Variants in GRM5 observed in about 807,000 individuals in gnomAD.
The protein encoded by GRM5 is glutamate metabotropic receptor 5, also known as metabotropic glutamate receptor 5.
A neutral mutation model predicts 83.1 loss-of-function variants in GRM5; 19 were observed. That is an observed-to-expected ratio of 0.23 (90% CI 0.16 to 0.34). GRM5 has a LOEUF of 0.34. GRM5 is among the 10% of genes least tolerant of loss of function. GRM5 has a pLI of 1.00. For missense variants in GRM5, 1,160 were observed against 1,588.3 expected (o/e 0.73, Z 4.58); for synonymous variants, 675 against 633.6 (o/e 1.07, Z -0.98).
intron 9 of GRM5, among the ~76,000 whole-genome samples, chr11:88,522,603 C>CTCTCTGTGTGTG (rs1206475339): frequency 2.4e-5 from 3 of 127,294 alleles, no homozygotes; most frequent in South Asian, 2.9e-4. Flanking sequence ...CTCTCTCTCT[C>CTCTCTGTGTGTG]TGTGTGTGTG....
At chr11:88,639,790 A>T (rs1375403118) in intron 4 of GRM5, among the ~76,000 whole-genome samples, 2 of 152,018 alleles carry the variant, frequency 1.3e-5, no homozygotes, top group East Asian at 3.9e-4. Flanking sequence ...TCAGGTCTCA[A>T]TTTGGTGAAT....
intron 5 of GRM5, among the ~76,000 whole-genome samples, chr11:88,600,749 T>C (rs912127884): frequency 2.0e-5 from 3 of 152,196 alleles, no homozygotes; most frequent in Non-Finnish European, 4.4e-5. Context: ...ACAGGGTTGT[T>C]GTTAGAGAAA....
At chr11:88,607,117 A>C (rs571539579) in intron 4 of GRM5, among the ~76,000 whole-genome samples, 2 of 152,240 alleles carry the variant, frequency 1.3e-5, no homozygotes, top group Admixed American at 1.3e-4. Context: ...GGCGTAGTGC[A>C]TTGTGACATA....
chr11:88,634,507 C>T (rs568195834), intron 4 of GRM5, among the ~76,000 whole-genome samples: 7 of 152,130 alleles, frequency 4.6e-5, no homozygotes, highest in African/African-American at 1.7e-4. Context: ...GATACCTACA[C>T]ACATTAGCCT....
chr11:88,847,253 CCTT>C (rs1391288124), intron 3 of GRM5, among the ~76,000 whole-genome samples: 4 of 152,054 alleles, frequency 2.6e-5, no homozygotes, highest in Non-Finnish European at 4.4e-5. Flanking sequence ...ACTTATATGA[CCTT>C]CTATCTAACT....
At chr11:88,816,576 T>C (rs1384296780) in intron 3 of GRM5, among the ~76,000 whole-genome samples, 1 of 144,388 alleles carries the variant, frequency 6.9e-6, no homozygotes, top group Non-Finnish European at 1.5e-5. Flanking sequence ...AAAAAGAAAT[T>C]GGAAACAGAA....
intron 2 of GRM5, among the ~76,000 whole-genome samples, chr11:89,007,471 T>C (rs1348399397): frequency 6.6e-6 from 1 of 152,216 alleles, no homozygotes; most frequent in African/African-American, 2.4e-5. Context: ...GTGATTTTCA[T>C]TACTGCCATT....
At chr11:88,726,966 AAGAAAC>A (rs1263246584) in intron 3 of GRM5, among the ~76,000 whole-genome samples, 2 of 152,208 alleles carry the variant, frequency 1.3e-5, no homozygotes, top group African/African-American at 4.8e-5. Flanking sequence ...CAATACTATG[AAGAAAC>A]TGCATCAACG....
At chr11:88,888,267 C>T in intron 2 of GRM5, among the ~76,000 whole-genome samples, 1 of 152,132 alleles carries the variant, frequency 6.6e-6, no homozygotes, top group Non-Finnish European at 1.5e-5. Context: ...TATGTTGCTC[C>T]TAAGCCAAAC....
At chr11:88,606,273 A>T (rs1261970030) in intron 4 of GRM5, among the ~76,000 whole-genome samples, 1 of 152,242 alleles carries the variant, frequency 6.6e-6, no homozygotes, top group Non-Finnish European at 1.5e-5. Flanking sequence ...CTGTAATCCC[A>T]ACACTTTAGG....
chr11:88,524,219 T>TTC, intron 9 of GRM5, among the ~76,000 whole-genome samples: 5 of 55,812 alleles, frequency 9.0e-5, no homozygotes, highest in African/African-American at 1.7e-4. Context: ...TCTTTCTTTT[T>TTC]TTTTTTTTTT....
intron 1 of GRM5, among the ~76,000 whole-genome samples, chr11:89,064,596 AC>A (rs987588494): frequency 1.8e-4 from 28 of 152,136 alleles, no homozygotes; most frequent in African/African-American, 4.8e-4. Context: ...ATACATAGAC[AC>A]TACTGCATGG....
intron 2 of GRM5, among the ~76,000 whole-genome samples, chr11:88,897,875 A>T (rs1382935607): frequency 6.6e-6 from 1 of 152,004 alleles, no homozygotes; most frequent in South Asian, 2.1e-4. Flanking sequence ...AGGAGAAAAC[A>T]TGTAAGCTTT....
At chr11:89,043,711 G>A (rs1237979060) in intron 2 of GRM5, among the ~76,000 whole-genome samples, 1 of 151,980 alleles carries the variant, frequency 6.6e-6, no homozygotes, top group Non-Finnish European at 1.5e-5. Flanking sequence ...AACAATAATA[G>A]TCAGCTGGGT....
chr11:88,754,453 T>C (rs1039748081), intron 3 of GRM5, among the ~76,000 whole-genome samples: 1 of 152,094 alleles, frequency 6.6e-6, no homozygotes, highest in African/African-American at 2.4e-5. Flanking sequence ...AGAAGAAAAT[T>C]AATTATTCAT....
rs950465954 is a variant in GRM5 at position 88,813,621 on chromosome 11, C to CAACAGTTTCATGAGAAAGTGA, written c.911+36264_911+36284dup. Among the ~76,000 whole-genome samples, 70 of 152,254 alleles carry CAACAGTTTCATGAGAAAGTGA rather than the reference C, an allele frequency of 4.6e-4. 1 individual carries two copies. In the Middle Eastern group the frequency reaches 0.01, roughly 22 times the overall value. On this transcript the variant is annotated intron_variant, in intron 3 of 9. Transcript: ENST00000305447. ...CTCAAAAAGCCCCAGTTTTATATCA[C>CAACAGTTTCATGAGAAAGTGA]AACAGTTTCATGAGAAAGTGAAACA...
At chr11:89,045,243 A>G (rs1301956829) in intron 2 of GRM5, among the ~76,000 whole-genome samples, 5 of 152,134 alleles carry the variant, frequency 3.3e-5, no homozygotes, top group African/African-American at 9.7e-5. Context: ...TGTAATTGTT[A>G]TATTTCAGTA....
chr11:88,786,782 A>G (rs553403810), intron 3 of GRM5, among the ~76,000 whole-genome samples: 1 of 151,872 alleles, frequency 6.6e-6, no homozygotes, highest in African/African-American at 2.4e-5. Flanking sequence ...TTCTGTGTCT[A>G]TTATCTATCC....
At chr11:88,667,710 G>T (rs1158829673) in intron 3 of GRM5, among the ~76,000 whole-genome samples, 3 of 151,976 alleles carry the variant, frequency 2.0e-5, no homozygotes, top group African/African-American at 7.3e-5. Flanking sequence ...TGGCCAATAT[G>T]GTGAAACACC....
Sources: gnomAD v4.1 joint callset for allele counts (sites outside exome capture counted in the v4.1 genomes callset) on GRCh38, gnomAD v4.1.1 for gene constraint, MANE v1.5 for transcripts, NCBI Gene and HGNC (gene_info 2026-07-23, HGNC 2026-07-21) for gene names.